The following MTDH variants were observed in gnomAD, a reference collection of about 807,000 sequenced individuals.
MTDH encodes protein LYRIC.
A neutral mutation model predicts 72.7 loss-of-function variants in MTDH; 34 were observed. That is an observed-to-expected ratio of 0.47 (90% confidence interval 0.36 to 0.62). MTDH has a LOEUF of 0.62. Ranked by LOEUF, MTDH falls within the 20% of genes least tolerant of loss-of-function variation. MTDH has a pLI of 0.00. For synonymous variants in MTDH, 266 were observed against 268.9 expected, an observed-to-expected ratio of 0.99 and a Z score of 0.10; for missense variants, 677 against 699.4, an observed-to-expected ratio of 0.97 and a Z score of 0.36.
In MTDH at chr8:97,644,848, G is replaced by A. The variant is rs1351965677; in HGVS notation, c.342G>A (p.Gln114=). The A allele has an allele frequency of 6.4e-7, 1 of 1,573,848 alleles. No homozygotes were observed. ...ALLKNLRSEE[Q]KKKNRKKLSE... Reference sequence around the variant, plus strand: ...TGAAGAATCTCCGGAGCGAGGAACAGAAGAAGAAGAACCGGAAGAAACTGT... The same window carrying A: ...TGAAGAATCTCCGGAGCGAGGAACAAAAGAAGAAGAACCGGAAGAAACTGT... The change falls in exon 1 of 12, where the codon CAG becomes CAA. Residue 114 remains glutamine (Q), a synonymous_variant. Coordinates refer to ENST00000336273, the MANE Select transcript of MTDH (RefSeq NM_178812.4).
chr8:97,722,824 A>C, intron 10 of MTDH, 55 bp from the exon 11 acceptor site: 1 of 1,539,600 alleles, frequency 6.5e-7, no homozygotes, highest in Non-Finnish European at 8.8e-7. Flanking sequence ...TGTGATATTT[A>C]AACTTTATTT....
chr8:97,689,779 C>T (rs1009750079), intron 5 of MTDH, among the ~76,000 whole-genome samples: 2 of 147,630 alleles, frequency 1.4e-5, no homozygotes, highest in South Asian at 4.3e-4. Flanking sequence ...ATGGTTTTGG[C>T]TCACTGCAAC....
chr8:97,688,506 A>G (rs1479805606), intron 4 of MTDH, among the ~76,000 whole-genome samples: 5 of 152,038 alleles, frequency 3.3e-5, no homozygotes, highest in Non-Finnish European at 5.9e-5. Flanking sequence ...ATCCTATGTC[A>G]TGCTGGTTTT....
intron 1 of MTDH, among the ~76,000 whole-genome samples, chr8:97,647,568 G>C (rs1232485802): frequency 6.6e-6 from 1 of 152,126 alleles, no homozygotes; most frequent in Non-Finnish European, 1.5e-5. Flanking sequence ...GCAAGATAAT[G>C]TGAGAGGCCT....
chr8:97,687,751 C>T, intron 4 of MTDH, 146 bp downstream of exon 4: 1 of 660,964 alleles, frequency 1.5e-6, no homozygotes, highest in Non-Finnish European at 2.3e-6. Flanking sequence ...GTATTGTGAA[C>T]CATGTATCGG....
intron 2 of MTDH, among the ~76,000 whole-genome samples, chr8:97,661,804 G>T (rs1211057761): frequency 6.6e-6 from 1 of 151,798 alleles, no homozygotes; most frequent in Non-Finnish European, 1.5e-5. Flanking sequence ...TTAGCCAGGT[G>T]TGGTGGTACG....
intron 2 of MTDH, among the ~76,000 whole-genome samples, chr8:97,665,852 C>T (rs1469176601): frequency 5.3e-5 from 8 of 152,070 alleles, no homozygotes; most frequent in South Asian, 4.1e-4. Context: ...TCTGGCCGGG[C>T]GCGGTGGCTC....
rs1204862287 is a variant in MTDH at position 97,644,853 on chromosome 8, A to G, written c.347A>G (p.Lys116Arg). Residue 116 changes from lysine (K) to arginine (R), a missense_variant, in exon 1 of 12, where the codon AAG becomes AGG. Lys to Arg is a conservative substitution (Grantham distance 26). This residue lies in a region of MTDH where 467 missense variants were observed against 469.1 expected (regional missense o/e 1.00). Coordinates refer to ENST00000336273, the MANE Select transcript of MTDH (RefSeq NM_178812.4). ...LKNLRSEEQKKKNRKKLSEKP... is the reference protein window; with the variant it reads ...LKNLRSEEQKRKNRKKLSEKP... ...AATCTCCGGAGCGAGGAACAGAAGA[A>G]GAAGAACCGGAAGAAACTGTCCGAG... The G allele has an allele frequency of 1.9e-6, 3 of 1,574,848 alleles. No homozygotes were observed. Among genetic ancestry groups the G allele is most frequent in the Non-Finnish European group, 2.6e-6 (3 of 1,168,436 alleles).
chr8:97,680,057 C>A (rs1563540555), intron 2 of MTDH, among the ~76,000 whole-genome samples: 1 of 151,938 alleles, frequency 6.6e-6, no homozygotes, highest in South Asian at 2.1e-4. Flanking sequence ...TTATCAAAGC[C>A]TTTTCGTCAT....
At chr8:97,697,146 A>ATTTTTTTTTTT (rs1317264159) in intron 6 of MTDH, among the ~76,000 whole-genome samples, 1 of 68,972 alleles carries the variant, frequency 1.4e-5, no homozygotes, top group African/African-American at 1.4e-4. Context: ...ATATATATAT[A>ATTTTTTTTTTT]TATATTTTTT....
At chr8:97,645,258 G>T (rs1310701306) in intron 1 of MTDH, among the ~76,000 whole-genome samples, 3 of 152,148 alleles carry the variant, frequency 2.0e-5, no homozygotes, top group Non-Finnish European at 4.4e-5. Flanking sequence ...ACCTTAAGGT[G>T]GTGTTAGGAA....
intron 2 of MTDH, among the ~76,000 whole-genome samples, chr8:97,679,789 C>T (rs555168484): frequency 3.9e-5 from 6 of 152,048 alleles, no homozygotes; most frequent in Admixed American, 2.0e-4. Context: ...TTATTTAACC[C>T]GCTGTTACAA....
chr8:97,725,524 T>G lies in MTDH; in HGVS notation c.*854T>G, dbSNP rs1258452268. The stretch of plus-strand genomic sequence containing the variant: ...CAACTCTTCTTAGTTACTAATACTT[T>G]GTTGACTTTAAAAATGAAATCATTC... On this transcript the variant is annotated 3_prime_UTR_variant, in exon 12 of 12. Transcript: ENST00000336273. 2 of 152,652 alleles carry G rather than the reference T, an allele frequency of 1.3e-5. No homozygotes were observed. Among genetic ancestry groups the G allele is most frequent in the African/African-American group, 4.8e-5 (2 of 41,470 alleles). 9.5% of individuals were successfully genotyped at this position (152,652 alleles called of 1,614,324 possible). A position where few individuals can be genotyped will look rare whatever the true frequency, so the allele number is the denominator to read the frequency against.
chr8:97,689,271 A>G (rs1813487914), intron 5 of MTDH, among the ~76,000 whole-genome samples, 168 bp downstream of exon 5: 1 of 152,156 alleles, frequency 6.6e-6, no homozygotes, highest in Admixed American at 6.5e-5. Context: ...AAAATAAATA[A>G]AAAGAAAAAT....
In MTDH at chr8:97,692,287, T is replaced by A. The variant is rs192163594; in HGVS notation, c.1048+1099T>A. Reference sequence around the variant, plus strand: ...AACATTGTAACATAAACATTTTCCTTACTTTTTGTAAGTATATTTAATGGC... The same window carrying A: ...AACATTGTAACATAAACATTTTCCTAACTTTTTGTAAGTATATTTAATGGC... On this transcript the variant is annotated intron_variant, in intron 6 of 11. Coordinates refer to ENST00000336273, the MANE Select transcript of MTDH (RefSeq NM_178812.4). Among the ~76,000 whole-genome samples, 2 of 152,380 alleles carry A rather than the reference T, an allele frequency of 1.3e-5. 1 individual carries two copies. The highest frequency in any genetic ancestry group is 1.3e-4 in the Admixed American group (2 of 15,304).
intron 6 of MTDH, among the ~76,000 whole-genome samples, chr8:97,697,140 A>ATTT (rs1475279517): frequency 1.3e-5 from 1 of 78,902 alleles, no homozygotes; most frequent in African/African-American, 9.4e-5. Flanking sequence ...ATATATATAT[A>ATTT]TATATATATA....
intron 2 of MTDH, among the ~76,000 whole-genome samples, chr8:97,673,664 C>T (rs12677914): frequency 0.25 from 30,011 of 117,732 alleles, 3,271 homozygotes; most frequent in East Asian, 0.39. Flanking sequence ...CTGTCTTGGG[C>T]GGGGCGGGGA....
chr8:97,654,498 C>CT (rs1425452971), intron 1 of MTDH, among the ~76,000 whole-genome samples: 1 of 151,438 alleles, frequency 6.6e-6, no homozygotes, highest in Non-Finnish European at 1.5e-5. Context: ...GTCTTATAGT[C>CT]TAACTTATCA....
intron 1 of MTDH, among the ~76,000 whole-genome samples, chr8:97,656,307 T>G (rs1811970775): frequency 6.8e-6 from 1 of 146,026 alleles, no homozygotes; most frequent in Non-Finnish European, 1.5e-5. Flanking sequence ...CATACTTTTT[T>G]TTTTTTTTTT....
Sources: gnomAD v4.1 joint callset for allele counts (sites outside exome capture counted in the v4.1 genomes callset) on GRCh38, gnomAD v4.1.1 for gene constraint, gnomAD v4.1.1 regional missense constraint, MANE v1.5 for transcripts, NCBI Gene and HGNC (gene_info 2026-07-23, HGNC 2026-07-21) for gene names.